LRRC4C: variants seen among roughly 807,000 people sequenced by gnomAD.
LRRC4C encodes the protein leucine rich repeat containing 4C.
LRRC4C carries 5 observed loss-of-function variants against 33.6 expected under a neutral mutation model. That is an observed-to-expected ratio of 0.15 (90% CI 0.08 to 0.31). The LOEUF is 0.31. LRRC4C is among the 10% of genes least tolerant of loss of function. The pLI, the probability that LRRC4C is intolerant of heterozygous loss-of-function variation, is 1.00. For synonymous variants in LRRC4C, 329 were observed against 302.0 expected (o/e 1.09, Z -0.93); for missense variants, 560 against 796.7 (o/e 0.70, Z 3.58).
intron 2 of LRRC4C, among the ~76,000 whole-genome samples, chr11:40,712,249 A>G (rs767467765): frequency 6.6e-6 from 1 of 152,164 alleles, no homozygotes; most frequent in Non-Finnish European, 1.5e-5. Flanking sequence ...AGTTGCTAAC[A>G]TTATTTTCTT....
intron 1 of LRRC4C, among the ~76,000 whole-genome samples, chr11:41,034,607 GTATATA>G (rs59350888): frequency 0.012 from 1,177 of 97,048 alleles, 8 homozygotes; most frequent in African/African-American, 0.015. Flanking sequence ...ATATGGTGAC[GTATATA>G]TATATATATA....
chr11:40,697,803 C>G (rs1209069717), intron 2 of LRRC4C, among the ~76,000 whole-genome samples: 1 of 152,106 alleles, frequency 6.6e-6, no homozygotes, highest in Non-Finnish European at 1.5e-5. Context: ...GGTGCCATGG[C>G]TCACACCTGT....
At chr11:41,074,843 A>G (rs1938984418) in intron 1 of LRRC4C, among the ~76,000 whole-genome samples, 1 of 152,060 alleles carries the variant, frequency 6.6e-6, no homozygotes. Context: ...TATTTTAGGC[A>G]TGGTTGTCTA....
At chr11:40,984,442 AAAG>A (rs1852843050) in intron 1 of LRRC4C, among the ~76,000 whole-genome samples, 1 of 152,032 alleles carries the variant, frequency 6.6e-6, no homozygotes, top group African/African-American at 2.4e-5. Flanking sequence ...AAAAAGAAAG[AAAG>A]AAAGACAGAC....
At chr11:41,180,646 G>C (rs920891527) in intron 1 of LRRC4C, among the ~76,000 whole-genome samples, 1 of 152,042 alleles carries the variant, frequency 6.6e-6, no homozygotes, top group African/African-American at 2.4e-5. Context: ...TCTTTAAAAT[G>C]GCCACCCAAT....
At chr11:40,755,067 A>G (rs1948879124) in intron 2 of LRRC4C, among the ~76,000 whole-genome samples, 1 of 152,106 alleles carries the variant, frequency 6.6e-6, no homozygotes, top group African/African-American at 2.4e-5. Flanking sequence ...ATTCCCAAAT[A>G]TTGTCAAAGA....
chr11:41,323,974 TTAGA>T (rs1375363377), intron 1 of LRRC4C, among the ~76,000 whole-genome samples: 7 of 152,180 alleles, frequency 4.6e-5, no homozygotes, highest in Non-Finnish European at 8.8e-5. Context: ...TTAAAAGTAC[TTAGA>T]TATTTTTGAA....
chr11:40,630,421 C>CTTT (rs1193168840), intron 3 of LRRC4C, among the ~76,000 whole-genome samples: 5 of 79,782 alleles, frequency 6.3e-5, no homozygotes, highest in East Asian at 5.8e-4. Context: ...TCTTCTTCTT[C>CTTT]TTTTTTTTTT....
intron 1 of LRRC4C, among the ~76,000 whole-genome samples, chr11:41,367,419 G>A (rs1235449673): frequency 2.0e-5 from 3 of 152,034 alleles, no homozygotes; most frequent in African/African-American, 7.2e-5. Context: ...TCTTTAATGG[G>A]GGTTCCCAAA....
chr11:40,730,945 G>A (rs1273481271), intron 2 of LRRC4C, among the ~76,000 whole-genome samples: 2 of 152,200 alleles, frequency 1.3e-5, no homozygotes, highest in Non-Finnish European at 2.9e-5. Context: ...GGTGGGAGGT[G>A]TTTGTCTCAA....
At chr11:40,506,983 T>C (rs932617643) in intron 3 of LRRC4C, among the ~76,000 whole-genome samples, 1 of 152,100 alleles carries the variant, frequency 6.6e-6, no homozygotes, top group African/African-American at 2.4e-5. Flanking sequence ...GTCTACTAAG[T>C]ATATATTCTT....
Position 41,425,208 on chromosome 11 carries a change from G to A in LRRC4C, c.-496+34223C>T, listed in dbSNP as rs140628131. Among the ~76,000 whole-genome samples the A allele has an allele frequency of 3.1e-4, 47 of 152,076 alleles. No individual in the cohort carries two copies. The East Asian group carries it at 5.4e-3, about 18-fold the overall frequency. On this transcript the variant is annotated intron_variant, in intron 1 of 6. Coordinates refer to ENST00000528697, the MANE Select transcript of LRRC4C (RefSeq NM_001258419.2). ...GCTCGGTGCATCAAATTAATCTCCTGATATGACATAAGGCTGTCTGTAAAT... is the reference window on the plus strand; with the variant it reads ...GCTCGGTGCATCAAATTAATCTCCTAATATGACATAAGGCTGTCTGTAAAT...
chr11:41,084,720 G>A (rs1348777859), intron 1 of LRRC4C, among the ~76,000 whole-genome samples: 1 of 152,046 alleles, frequency 6.6e-6, no homozygotes, highest in African/African-American at 2.4e-5. Flanking sequence ...GTGGTGGTGG[G>A]CATCTGTAAA....
intron 1 of LRRC4C, among the ~76,000 whole-genome samples, chr11:41,361,171 A>G (rs1952342727): frequency 6.6e-6 from 1 of 152,204 alleles, no homozygotes. Flanking sequence ...CACGAATACG[A>G]TGATGTCACA....
At chr11:40,295,724 AT>A (rs1239685097) in intron 4 of LRRC4C, among the ~76,000 whole-genome samples, 2 of 152,086 alleles carry the variant, frequency 1.3e-5, no homozygotes, top group Non-Finnish European at 1.5e-5. Context: ...ATTTATTGTA[AT>A]TTCCCCATCT....
rs1464156337 is a variant in LRRC4C at position 41,257,322 on chromosome 11, A to C, written c.-496+202109T>G. On this transcript the variant is annotated intron_variant, in intron 1 of 6. Coordinates refer to ENST00000528697, the MANE Select transcript of LRRC4C (RefSeq NM_001258419.2). ...ACTATAAAAAGTTGGAGTTGTGGTT[A>C]AAAAGAAAAGAGTAAGATTCAAAAT... Among the ~76,000 whole-genome samples the C allele has an allele frequency of 2.0e-5, 3 of 151,938 alleles. No homozygotes were observed. In the East Asian group the frequency reaches 5.8e-4, roughly 29 times the overall value.
chr11:40,922,222 T>C (rs1478930017), intron 2 of LRRC4C, among the ~76,000 whole-genome samples: 1 of 152,102 alleles, frequency 6.6e-6, no homozygotes, highest in Non-Finnish European at 1.5e-5. Flanking sequence ...TCCGTACAAG[T>C]TTTTAGATTT....
Position 40,990,231 on chromosome 11 carries a change from TTATATATATATATATATATA to T in LRRC4C, c.-495-56528_-495-56509del, listed in dbSNP as rs761772952. On this transcript the variant is annotated intron_variant, in intron 1 of 6. Transcript: ENST00000528697. ...AAATATTTGAATAGTATGTCAAGTT[TTATATATATATATATATATA>T]TATATATATATATATATATATATGA... is the stretch of plus-strand genomic sequence containing the variant. Among the ~76,000 whole-genome samples, 149 of 78,246 alleles carry T rather than the reference TTATATATATATATATATATA, an allele frequency of 1.9e-3. 1 individual carries two copies. Among genetic ancestry groups the T allele is most frequent in the South Asian group, 0.011 (19 of 1,738 alleles). The allele number at this position is 78,246 out of a possible 152,430, so 51.3% of individuals were successfully genotyped here.
In LRRC4C at chr11:41,063,184, C is replaced by A. The variant is rs116225600; in HGVS notation, c.-495-129461G>T. 5.1e-3 allele frequency among the ~76,000 whole-genome samples: 775 copies of A among 152,252 alleles called. 4 individuals are homozygous for A. The highest frequency in any genetic ancestry group is 0.017 in the African/African-American group (724 of 41,552). ...TGTCAGAGTCTTCTTAACCATCCTG[C>A]AAAGTAAGCATTATTTTCCCATTTA... On this transcript the variant is annotated intron_variant, in intron 1 of 6. Coordinates refer to ENST00000528697, the MANE Select transcript of LRRC4C (RefSeq NM_001258419.2).
Sources: allele counts gnomAD v4.1 joint callset (sites outside exome capture counted in the v4.1 genomes callset), GRCh38; gene constraint gnomAD v4.1.1; transcripts MANE v1.5; gene names NCBI Gene and HGNC (gene_info 2026-07-23, HGNC 2026-07-21).